The following SEMA3E variants were observed in gnomAD, a reference collection of about 807,000 sequenced individuals.
SEMA3E encodes the protein semaphorin-3E.
In SEMA3E, 49 loss-of-function variants were observed where a neutral mutation model predicts 93.6. The observed-to-expected ratio is 0.52, with a 90% confidence interval of 0.42 to 0.66. SEMA3E has a LOEUF of 0.66. Among genes scored for constraint, SEMA3E ranks in the 30% least tolerant of loss-of-function variants. The pLI is 0.00. For synonymous variants in SEMA3E, 363 were observed against 330.7 expected (o/e 1.10, Z -1.06); for missense variants, 906 against 964.8 (o/e 0.94, Z 0.81).
At chr7:83,446,167 T>C (rs1562786147) in intron 4 of SEMA3E, among the ~76,000 whole-genome samples, 1 of 152,212 alleles carries the variant, frequency 6.6e-6, no homozygotes, top group Non-Finnish European at 1.5e-5. Flanking sequence ...TGAAATTTCA[T>C]GTTAGTCCTA....
chr7:83,631,081 GTA>G (rs1165742777), intron 1 of SEMA3E, among the ~76,000 whole-genome samples: 1 of 152,008 alleles, frequency 6.6e-6, no homozygotes, highest in Non-Finnish European at 1.5e-5. Flanking sequence ...AGCTATGATG[GTA>G]TTTTAATTCT....
intron 4 of SEMA3E, among the ~76,000 whole-genome samples, chr7:83,443,214 C>T (rs150499272): frequency 4.6e-5 from 7 of 152,216 alleles, no homozygotes; most frequent in African/African-American, 7.2e-5. Flanking sequence ...GACATGGTGA[C>T]GGGGTATTGG....
intron 1 of SEMA3E, among the ~76,000 whole-genome samples, chr7:83,529,154 C>T (rs1791231072): frequency 1.3e-5 from 2 of 152,136 alleles, no homozygotes; most frequent in African/African-American, 4.8e-5. Context: ...GGAGAAGCAG[C>T]TCTTCAGATG....
At chr7:83,462,601 C>A (rs1406890334) in intron 4 of SEMA3E, among the ~76,000 whole-genome samples, 1 of 151,992 alleles carries the variant, frequency 6.6e-6, no homozygotes, top group African/African-American at 2.4e-5. Context: ...ACCATGCACC[C>A]CTTACCATCT....
At chr7:83,563,370 T>A (rs2115842143) in intron 1 of SEMA3E, among the ~76,000 whole-genome samples, 1 of 152,344 alleles carries the variant, frequency 6.6e-6, no homozygotes, top group African/African-American at 2.4e-5. Flanking sequence ...CCTCTGCCAC[T>A]ACTGTTAGTA....
intron 1 of SEMA3E, among the ~76,000 whole-genome samples, chr7:83,516,024 G>T (rs1009218848): frequency 2.6e-5 from 4 of 152,016 alleles, no homozygotes; most frequent in Admixed American, 2.0e-4. Flanking sequence ...AAGACTCCGT[G>T]TCAAAACAAA....
intron 15 of SEMA3E, 108 bp downstream of exon 15, chr7:83,386,875 T>C (rs1361535327): frequency 9.2e-6 from 9 of 974,574 alleles, no homozygotes; most frequent in African/African-American, 1.6e-5. Flanking sequence ...TACATTGTTC[T>C]AGTATACATG....
intron 14 of SEMA3E, among the ~76,000 whole-genome samples, chr7:83,390,125 A>ACG (rs1787983749): frequency 1.5e-5 from 1 of 68,924 alleles, no homozygotes; most frequent in African/African-American, 5.3e-5. Flanking sequence ...ATGCGCGTAT[A>ACG]CGTGTGCACA....
At chr7:83,379,709 T>C (rs1001494947) in intron 16 of SEMA3E, among the ~76,000 whole-genome samples, 1 of 151,886 alleles carries the variant, frequency 6.6e-6, no homozygotes, top group African/African-American at 2.4e-5. Context: ...TGGGCTCAAA[T>C]GCAAACTGAC....
At chr7:83,447,972 C>T (rs990438594) in intron 4 of SEMA3E, among the ~76,000 whole-genome samples, 2 of 152,164 alleles carry the variant, frequency 1.3e-5, no homozygotes, top group African/African-American at 2.4e-5. Flanking sequence ...TCCACACAAA[C>T]ACTCAAAATA....
intron 1 of SEMA3E, among the ~76,000 whole-genome samples, chr7:83,604,380 G>A (rs1314752001): frequency 5.3e-5 from 8 of 151,356 alleles, no homozygotes; most frequent in African/African-American, 1.7e-4. Flanking sequence ...AGGTAGAAAT[G>A]ACACAGTTTT....
rs143063272 is a variant in SEMA3E, at chr7:83,433,022, G to A, written c.457-14539C>T. Reference sequence around the variant, plus strand: ...TTTGCTATGCATTTGATATCTTTCTGAGTGTTTGGACTTTTGCAATTTTTG... The same window carrying A: ...TTTGCTATGCATTTGATATCTTTCTAAGTGTTTGGACTTTTGCAATTTTTG... On this transcript the variant is annotated intron_variant, in intron 4 of 16. Coordinates refer to ENST00000643230, the MANE Select transcript of SEMA3E (RefSeq NM_012431.3). Among the ~76,000 whole-genome samples the A allele has an allele frequency of 3.3e-5, 5 of 152,218 alleles. No individual in the cohort carries two copies. The South Asian group carries it at 1.0e-3, about 32-fold the overall frequency.
At chr7:83,600,075 C>A (rs1052611934) in intron 1 of SEMA3E, among the ~76,000 whole-genome samples, 11 of 152,148 alleles carry the variant, frequency 7.2e-5, no homozygotes, top group Non-Finnish European at 1.6e-4. Context: ...GGCTCCCAAT[C>A]TACTTTTACT....
At position 83,367,568 on chromosome 7, in the gene SEMA3E, GTAGA is replaced by G; in HGVS notation, c.*14_*17del. On this transcript the variant is annotated 3_prime_UTR_variant, in exon 17 of 17. Transcript: ENST00000643230. ...CCAAATATAAATTCTTCAAAAGACAGTAGATAGTCTCACCCCATCAGGAGTCCAG... is the reference window on the plus strand; with the variant it reads ...CCAAATATAAATTCTTCAAAAGACAGTAGTCTCACCCCATCAGGAGTCCAG... The G allele has an allele frequency of 6.2e-7, 1 of 1,611,160 alleles. No individual in the cohort carries two copies. Among genetic ancestry groups the G allele is most frequent in the Non-Finnish European group, 8.5e-7 (1 of 1,177,400 alleles).
At chr7:83,629,453 C>T (rs909372327) in intron 1 of SEMA3E, among the ~76,000 whole-genome samples, 3 of 152,148 alleles carry the variant, frequency 2.0e-5, no homozygotes, top group Admixed American at 6.6e-5. Flanking sequence ...TAAGCCCCTG[C>T]CTGGGGCTGC....
chr7:83,461,814 C>G (rs1490336244), intron 4 of SEMA3E, among the ~76,000 whole-genome samples: 7 of 152,174 alleles, frequency 4.6e-5, no homozygotes. Flanking sequence ...AAAAAAGTTA[C>G]AATTCCTTGC....
chr7:83,447,792 C>T (rs141143653), intron 4 of SEMA3E, among the ~76,000 whole-genome samples: 12 of 152,182 alleles, frequency 7.9e-5, no homozygotes, highest in South Asian at 2.1e-4. Flanking sequence ...TGGTAAGTGC[C>T]GTGCCAAATG....
intron 4 of SEMA3E, among the ~76,000 whole-genome samples, chr7:83,461,050 C>G (rs930685994): frequency 6.6e-6 from 1 of 152,082 alleles, no homozygotes; most frequent in African/African-American, 2.4e-5. Context: ...CCGCTTGACC[C>G]CAATACAAAC....
intron 1 of SEMA3E, among the ~76,000 whole-genome samples, chr7:83,624,193 A>C (rs1667564366): frequency 6.6e-6 from 1 of 152,194 alleles, no homozygotes; most frequent in South Asian, 2.1e-4. Flanking sequence ...ATACATGTGC[A>C]TGTGTCTTTA....
Sources: gnomAD v4.1 joint callset for allele counts (sites outside exome capture counted in the v4.1 genomes callset) on GRCh38, gnomAD v4.1.1 for gene constraint, MANE v1.5 for transcripts, NCBI Gene and HGNC (gene_info 2026-07-23, HGNC 2026-07-21) for gene names.